The following BABAM2 variants were observed in gnomAD, a reference collection of about 807,000 sequenced individuals.
BABAM2 encodes the protein BRISC and BRCA1-A complex member 2.
In BABAM2, 31 loss-of-function variants were observed where a neutral mutation model predicts 54.7. The observed-to-expected ratio is 0.57, with a 90% CI of 0.43 to 0.77. BABAM2 has a LOEUF of 0.77. Among genes scored for constraint, BABAM2 ranks in the 30% least tolerant of loss-of-function variants. The pLI is 0.00. For synonymous variants in BABAM2, 167 were observed against 162.9 expected, an observed-to-expected ratio of 1.03 and a Z score of -0.19; for missense variants, 364 against 455.8, an observed-to-expected ratio of 0.80 and a Z score of 1.83.
At chr2:28,305,919 A>G (rs1050315359) in intron 11 of BABAM2, among the ~76,000 whole-genome samples, 1 of 152,006 alleles carries the variant, frequency 6.6e-6, no homozygotes, top group Non-Finnish European at 1.5e-5. Flanking sequence ...AAAGTTTTGT[A>G]TGTTATTTTT....
chr2:28,292,741 C>T (rs1687390533), intron 10 of BABAM2, among the ~76,000 whole-genome samples: 1 of 152,140 alleles, frequency 6.6e-6, no homozygotes, highest in Non-Finnish European at 1.5e-5. Context: ...AAATATTTCT[C>T]AAAAGACCCA....
At chr2:27,890,191 G>A, upstream of BABAM2, 3 of 1,496,332 alleles carry the variant, frequency 2.0e-6, no homozygotes, top group Admixed American at 3.4e-5. This position sits in a 1 kb window ranked among gnomAD's most constrained non-coding sequence, Gnocchi z 4.8. Flanking sequence ...AAGCTCCACT[G>A]GGCGCATAGC....
At chr2:28,277,145 G>A (rs545494184) in intron 10 of BABAM2, among the ~76,000 whole-genome samples, 1 of 152,258 alleles carries the variant, frequency 6.6e-6, no homozygotes, top group African/African-American at 2.4e-5. Flanking sequence ...TGGCTCCATC[G>A]CCCAGGCTGG....
At chr2:27,942,521 C>T (rs545965694) in intron 3 of BABAM2, among the ~76,000 whole-genome samples, 138 of 150,764 alleles carry the variant, frequency 9.2e-4, no homozygotes, top group African/African-American at 3.2e-3. Flanking sequence ...CCACCACACC[C>T]GCTAATTTTT....
intron 4 of BABAM2, among the ~76,000 whole-genome samples, chr2:27,988,966 A>G (rs1247916317): frequency 6.6e-6 from 1 of 152,136 alleles, no homozygotes; most frequent in Non-Finnish European, 1.5e-5. Flanking sequence ...CCCTGCTTCC[A>G]CCCTTTAAAG....
chr2:27,958,633 C>T (rs996434082), intron 3 of BABAM2, among the ~76,000 whole-genome samples: 9 of 151,222 alleles, frequency 6.0e-5, no homozygotes, highest in African/African-American at 2.2e-4. Context: ...TAGAGCTCAC[C>T]TGCCAAGAGG....
intron 7 of BABAM2, among the ~76,000 whole-genome samples, chr2:28,150,741 C>T (rs1671946481): frequency 6.6e-6 from 1 of 152,170 alleles, no homozygotes; most frequent in Non-Finnish European, 1.5e-5. Context: ...CTGGTTTCTA[C>T]CTCTCACTCT....
intron 3 of BABAM2, among the ~76,000 whole-genome samples, chr2:27,935,917 T>G (rs1191849902): frequency 6.6e-6 from 1 of 152,162 alleles, no homozygotes; most frequent in Non-Finnish European, 1.5e-5. Flanking sequence ...TGTATTTTTA[T>G]TTTTTGGTAT....
At chr2:28,167,693 C>CAAAAA (rs373375104) in intron 7 of BABAM2, among the ~76,000 whole-genome samples, 14 of 103,794 alleles carry the variant, frequency 1.3e-4, no homozygotes, top group African/African-American at 1.9e-4. Context: ...GACTCCATCT[C>CAAAAA]AAAAAAATAA....
chr2:28,173,515 G>A (rs1274249544), intron 7 of BABAM2, among the ~76,000 whole-genome samples: 1 of 152,082 alleles, frequency 6.6e-6, no homozygotes, highest in Non-Finnish European at 1.5e-5. Context: ...AGGTGTACTT[G>A]TAGTCATTAA....
intron 5 of BABAM2, among the ~76,000 whole-genome samples, chr2:28,041,133 G>A (rs1677070485): frequency 6.6e-6 from 1 of 152,138 alleles, no homozygotes; most frequent in Non-Finnish European, 1.5e-5. Context: ...ATGTACAAGA[G>A]TTATTTTAAC....
intron 7 of BABAM2, among the ~76,000 whole-genome samples, chr2:28,216,854 G>T (rs896076195): frequency 6.6e-6 from 1 of 151,952 alleles, no homozygotes; most frequent in Non-Finnish European, 1.5e-5. Context: ...CCACCTCCCC[G>T]ATACCCACCA....
chr2:28,224,851 C>CA (rs754146418), intron 7 of BABAM2, among the ~76,000 whole-genome samples: 9,776 of 83,544 alleles, frequency 0.12, 537 homozygotes, highest in Non-Finnish European at 0.14. Flanking sequence ...GGTAAATTGA[C>CA]AAAAAAAAAA....
chr2:27,892,955 TC>T (rs1486751538), intron 1 of BABAM2, among the ~76,000 whole-genome samples: 2 of 152,240 alleles, frequency 1.3e-5, no homozygotes, highest in African/African-American at 4.8e-5. Flanking sequence ...GTCAAAGTGT[TC>T]TTATTTTTTG....
At chr2:28,220,323 G>C (rs1416348810) in intron 7 of BABAM2, among the ~76,000 whole-genome samples, 1 of 152,148 alleles carries the variant, frequency 6.6e-6, no homozygotes, top group Admixed American at 6.5e-5. Context: ...CAGGGCTTTT[G>C]TAAGGGTTAA....
At chr2:28,298,218 T>C in intron 10 of BABAM2, 120 bp from the exon 11 acceptor site, 1 of 1,049,942 alleles carries the variant, frequency 9.5e-7, no homozygotes, top group South Asian at 1.5e-5. Flanking sequence ...TCATCCAAAC[T>C]GCAAGCAGTA....
At chr2:28,012,800 C>G (rs1189733325) in intron 4 of BABAM2, among the ~76,000 whole-genome samples, 3 of 152,172 alleles carry the variant, frequency 2.0e-5, no homozygotes, top group Non-Finnish European at 4.4e-5. Context: ...TCCTGTCCCA[C>G]TTGAGGGACT....
intron 4 of BABAM2, among the ~76,000 whole-genome samples, chr2:28,023,426 T>C (rs1675417595): frequency 6.6e-6 from 1 of 152,220 alleles, no homozygotes; most frequent in Non-Finnish European, 1.5e-5. Flanking sequence ...TAGCAAGCTA[T>C]GTTAGGATCA....
chr2:28,043,555 C>T (rs1170993337), intron 5 of BABAM2, among the ~76,000 whole-genome samples: 3 of 152,174 alleles, frequency 2.0e-5, no homozygotes, highest in Admixed American at 6.5e-5. Flanking sequence ...CTTTTATAAG[C>T]TCCCATTTAA....
Sources: gnomAD v4.1 joint callset for allele counts (sites outside exome capture counted in the v4.1 genomes callset) on GRCh38, gnomAD v4.1.1 for gene constraint, Gnocchi (gnomAD v3.1) non-coding constraint, MANE v1.5 for transcripts, NCBI Gene and HGNC (gene_info 2026-07-23, HGNC 2026-07-21) for gene names.